The following CDK6 variants were observed in gnomAD, a reference collection of about 807,000 sequenced individuals.
The protein encoded by CDK6 is cyclin dependent kinase 6.
Under a neutral mutation model 37.1 loss-of-function variants are expected in CDK6, and 6 were observed. The ratio of observed to expected loss-of-function variants is 0.16; its 90% CI spans 0.09 to 0.32. CDK6 has a LOEUF of 0.32. Among genes scored for constraint, CDK6 ranks in the 10% least tolerant of loss-of-function variants. CDK6 has a pLI of 1.00. For missense variants in CDK6, 224 were observed against 418.9 expected, an observed-to-expected ratio of 0.53 and a Z score of 4.06; for synonymous variants, 160 against 161.3, an observed-to-expected ratio of 0.99 and a Z score of 0.06.
At chr7:92,713,081 G>A (rs1330933289) in intron 4 of CDK6, among the ~76,000 whole-genome samples, 3 of 151,946 alleles carry the variant, frequency 2.0e-5, no homozygotes, top group East Asian at 3.9e-4. Context: ...GGCTGCTCTC[G>A]AACTCCTGAC....
intron 1 of CDK6, 120 bp downstream of exon 1, chr7:92,836,358 C>T (rs567146051): frequency 1.3e-5 from 2 of 148,418 alleles, no homozygotes; most frequent in Non-Finnish European, 3.0e-5. Context: ...GTCCCCCCCA[C>T]CCCCCGCCAC....
rs112143869 is a variant in CDK6, at chr7:92,719,079, G to C, written c.537+6547C>G. Among the ~76,000 whole-genome samples the C allele has an allele frequency of 8.4e-3, 1,278 of 152,316 alleles. 22 individuals are homozygous for C. Among genetic ancestry groups the C allele is most frequent in the African/African-American group, 0.029 (1,220 of 41,562 alleles). On this transcript the variant is annotated intron_variant, in intron 4 of 7. Transcript: ENST00000424848. ...CTAAATGCTATCAACACTGAGGTCAGAGTAAGGAAGGAATATCATCAGAGG... is the reference window on the plus strand; with the variant it reads ...CTAAATGCTATCAACACTGAGGTCACAGTAAGGAAGGAATATCATCAGAGG...
intron 3 of CDK6, among the ~76,000 whole-genome samples, chr7:92,754,211 TA>T (rs1799257601): frequency 6.6e-6 from 1 of 152,186 alleles, no homozygotes; most frequent in East Asian, 1.9e-4. Context: ...TCTTCCTCAG[TA>T]ACATTCAGGA....
At chr7:92,810,408 G>A (rs942091637) in intron 2 of CDK6, among the ~76,000 whole-genome samples, 5 of 152,214 alleles carry the variant, frequency 3.3e-5, no homozygotes, top group African/African-American at 1.2e-4. Flanking sequence ...GTCTAGTCCT[G>A]ACTCTGCCAG....
intron 2 of CDK6, among the ~76,000 whole-genome samples, chr7:92,795,199 T>C (rs933530279): frequency 1.7e-4 from 26 of 152,198 alleles, no homozygotes; most frequent in African/African-American, 5.1e-4. Flanking sequence ...TGTCTTGACA[T>C]GTTCAAGAAA....
chr7:92,623,258 T>C (rs573092614), intron 5 of CDK6, among the ~76,000 whole-genome samples, 172 bp from the exon 6 acceptor site: 10 of 152,278 alleles, frequency 6.6e-5, no homozygotes, highest in East Asian at 5.8e-4. Context: ...CTGCATTTCA[T>C]GTATGGGTTA....
At chr7:92,813,064 C>CT (rs1254906413) in intron 2 of CDK6, among the ~76,000 whole-genome samples, 1 of 152,118 alleles carries the variant, frequency 6.6e-6, no homozygotes, top group Non-Finnish European at 1.5e-5. Context: ...GATCTAACAA[C>CT]TTTTTTTGCC....
chr7:92,659,740 C>T (rs149274381), intron 5 of CDK6, among the ~76,000 whole-genome samples: 22 of 152,172 alleles, frequency 1.4e-4, no homozygotes, highest in African/African-American at 4.3e-4. Flanking sequence ...ACAATACTCA[C>T]ATTTTATACT....
At chr7:92,786,770 T>C (rs753449323) in intron 2 of CDK6, among the ~76,000 whole-genome samples, 1 of 151,240 alleles carries the variant, frequency 6.6e-6, no homozygotes, top group African/African-American at 2.4e-5. Context: ...AAAATAATGG[T>C]ACTGATACAT....
intron 3 of CDK6, among the ~76,000 whole-genome samples, chr7:92,726,913 C>T (rs1300151768): frequency 6.6e-6 from 1 of 152,198 alleles, no homozygotes; most frequent in Non-Finnish European, 1.5e-5. Context: ...ATCATAGGAT[C>T]ATTGTAAAGC....
chr7:92,762,173 T>G (rs547761965), intron 3 of CDK6, among the ~76,000 whole-genome samples: 1 of 152,286 alleles, frequency 6.6e-6, no homozygotes, highest in African/African-American at 2.4e-5. Flanking sequence ...GGACAAGAAT[T>G]AGCAATGTAA....
rs116301345 is a variant in CDK6 at position 92,674,229 on chromosome 7, C to T, written c.538-2694G>A. ...TTCCTAGCCTGGGCAACTCTTCTTT[C>T]TCCTCTCCACATATGTAAATTTCAC... On this transcript the variant is annotated intron_variant, in intron 4 of 7. Transcript: ENST00000424848. Among the ~76,000 whole-genome samples, 486 of 152,074 alleles carry T rather than the reference C, an allele frequency of 3.2e-3. 1 individual carries two copies. The highest frequency in any genetic ancestry group is 0.011 in the African/African-American group (461 of 41,478).
At chr7:92,742,048 T>G (rs551978777) in intron 3 of CDK6, among the ~76,000 whole-genome samples, 1 of 152,260 alleles carries the variant, frequency 6.6e-6, no homozygotes, top group Admixed American at 6.5e-5. Flanking sequence ...GACAATAAAA[T>G]GAACCATTTT....
intron 4 of CDK6, among the ~76,000 whole-genome samples, chr7:92,683,717 G>A (rs1797387600): frequency 6.6e-6 from 1 of 152,100 alleles, no homozygotes; most frequent in Non-Finnish European, 1.5e-5. Context: ...GGTGGGGGGG[G>A]GGTCCCCACT....
rs903870128 is a variant in CDK6 at position 92,623,168 on chromosome 7, A to C, written c.648-82T>G. On this transcript the variant is annotated intron_variant, in intron 5 of 7. Transcript: ENST00000424848. The stretch of plus-strand genomic sequence containing the variant: ...ATATTTGCCATTATCATTGTTTCAC[A>C]GGAAGCAAAATATTCTTTATGGGTT... 4.2e-6 allele frequency: 4 copies of C among 946,768 alleles called. No homozygotes were observed. In the African/African-American group the frequency reaches 6.6e-5, roughly 16 times the overall value. The allele number at this position is 946,768 out of a possible 1,614,324, so 58.6% of individuals were successfully genotyped here. A position where few individuals can be genotyped will look rare whatever the true frequency, so the allele number is the denominator to read the frequency against.
At chr7:92,729,023 C>T (rs891760401) in intron 3 of CDK6, among the ~76,000 whole-genome samples, 5 of 152,094 alleles carry the variant, frequency 3.3e-5, no homozygotes, top group South Asian at 2.1e-4. Flanking sequence ...CATTCAGCTA[C>T]GTCAGGAACT....
At chr7:92,827,473 C>A (rs1316260132) in intron 2 of CDK6, among the ~76,000 whole-genome samples, 1 of 152,150 alleles carries the variant, frequency 6.6e-6, no homozygotes, top group African/African-American at 2.4e-5. Flanking sequence ...CTCCGGTTCA[C>A]CTCTCAGGCA....
intron 5 of CDK6, among the ~76,000 whole-genome samples, chr7:92,670,540 G>C (rs1797050570): frequency 6.6e-6 from 1 of 152,190 alleles, no homozygotes; most frequent in Non-Finnish European, 1.5e-5. Context: ...ATTATGATTA[G>C]GTTCTCTGTT....
chr7:92,779,227 T>C (rs897031947), intron 2 of CDK6, among the ~76,000 whole-genome samples: 1 of 152,108 alleles, frequency 6.6e-6, no homozygotes, highest in Admixed American at 6.6e-5. Flanking sequence ...GACTCACTGA[T>C]GCCACCTGCA....
Sources: gnomAD v4.1 joint callset for allele counts (sites outside exome capture counted in the v4.1 genomes callset) on GRCh38, gnomAD v4.1.1 for gene constraint, MANE v1.5 for transcripts, NCBI Gene and HGNC (gene_info 2026-07-23, HGNC 2026-07-21) for gene names.